The following CRPPA variants were observed in gnomAD, a reference collection of about 807,000 sequenced individuals.
CRPPA encodes CDP-L-ribitol pyrophosphorylase A, also known as D-ribitol-5-phosphate cytidylyltransferase.
A neutral mutation model predicts 52.0 loss-of-function variants in CRPPA; 43 were observed. The ratio of observed to expected loss-of-function variants is 0.83; its 90% CI spans 0.65 to 1.07. The LOEUF (loss-of-function observed/expected upper bound fraction) is 1.07, where lower values mean the gene tolerates loss of function less well. CRPPA is among the 50% of genes least tolerant of loss of function. The pLI is 0.00. For synonymous variants in CRPPA, 250 were observed against 203.5 expected (o/e 1.23, Z -1.94); for missense variants, 629 against 551.7 (o/e 1.14, Z -1.40).
At position 16,421,486 on chromosome 7, in the gene CRPPA, G is replaced by A. The variant is rs1788339048; in HGVS notation, c.-164C>T. 6.6e-6 allele frequency among the ~76,000 whole-genome samples: 1 copy of A among 152,174 alleles called. No homozygotes were observed. The highest frequency in any genetic ancestry group is 2.4e-5 in the African/African-American group (1 of 41,472). On this transcript the variant is annotated 5_prime_UTR_variant, in exon 1 of 10. Transcript: ENST00000407010. Reference sequence around the variant, plus strand: ...CAGCCGTCGGAGCCCCGCTGTTGCTGCCCCGCAGGGGACGATCCCGACAGC... The same window carrying A: ...CAGCCGTCGGAGCCCCGCTGTTGCTACCCCGCAGGGGACGATCCCGACAGC...
At chr7:16,315,708 G>C (rs1785130410) in intron 3 of CRPPA, among the ~76,000 whole-genome samples, 1 of 150,904 alleles carries the variant, frequency 6.6e-6, no homozygotes, top group South Asian at 2.1e-4. Context: ...GCTCCTGGAA[G>C]TAAAACTCAT....
At chr7:16,254,838 A>AAAGAAAGAAAGG (rs1562588834) in intron 8 of CRPPA, among the ~76,000 whole-genome samples, 1 of 150,390 alleles carries the variant, frequency 6.6e-6, no homozygotes, top group Admixed American at 6.7e-5. Context: ...AGAAAGAAAG[A>AAAGAAAGAAAGG]AAGAAAGAGA....
chr7:16,236,961 C>A (rs565954593), intron 8 of CRPPA, among the ~76,000 whole-genome samples: 142 of 151,878 alleles, frequency 9.3e-4, no homozygotes, highest in Non-Finnish European at 1.6e-3. Flanking sequence ...CACACACACA[C>A]ACACACACAC....
intron 3 of CRPPA, among the ~76,000 whole-genome samples, chr7:16,338,975 C>T (rs1018116174): frequency 8.6e-5 from 13 of 152,030 alleles, no homozygotes; most frequent in East Asian, 5.8e-4. Flanking sequence ...GTCACCACGC[C>T]GGCTAATTTT....
At chr7:16,263,836 A>G (rs1490792265) in intron 6 of CRPPA, among the ~76,000 whole-genome samples, 1 of 152,184 alleles carries the variant, frequency 6.6e-6, no homozygotes, top group Non-Finnish European at 1.5e-5. Context: ...ATTGTAATTA[A>G]AATATATTTG....
intron 6 of CRPPA, among the ~76,000 whole-genome samples, chr7:16,273,488 A>G (rs1011758112): frequency 2.6e-5 from 4 of 151,974 alleles, no homozygotes; most frequent in Non-Finnish European, 5.9e-5. Context: ...GTAGGACCAC[A>G]GAGAAGAGGT....
intron 9 of CRPPA, among the ~76,000 whole-genome samples, chr7:16,185,500 C>T (rs748791392): frequency 3.0e-4 from 46 of 152,116 alleles, no homozygotes; most frequent in Admixed American, 4.6e-4. Context: ...GGCATAACAA[C>T]GGTGGTGGCA....
At chr7:16,095,238 T>C (rs901314832) in intron 9 of CRPPA, among the ~76,000 whole-genome samples, 2 of 152,222 alleles carry the variant, frequency 1.3e-5, no homozygotes, top group African/African-American at 2.4e-5. Flanking sequence ...CTGGACCATT[T>C]ATATATTCCT....
chr7:16,295,238 G>A (rs12155478), intron 5 of CRPPA, among the ~76,000 whole-genome samples: 100,080 of 151,882 alleles, frequency 0.66, 33,618 homozygotes, highest in East Asian at 0.75. Flanking sequence ...GAAATCTACC[G>A]GTATCACTTA....
chr7:16,347,578 G>A (rs1786045864), intron 3 of CRPPA, among the ~76,000 whole-genome samples: 1 of 152,066 alleles, frequency 6.6e-6, no homozygotes, highest in Non-Finnish European at 1.5e-5. Flanking sequence ...CAGAACAGGA[G>A]GCTCCAGATT....
At chr7:16,110,040 T>C (rs78881437) in intron 9 of CRPPA, among the ~76,000 whole-genome samples, 14,687 of 151,816 alleles carry the variant, frequency 0.097, 895 homozygotes, top group African/African-American at 0.17. Flanking sequence ...CTTATATATA[T>C]ATAGAAAGCT....
chr7:16,339,983 A>T (rs532201325), intron 3 of CRPPA, among the ~76,000 whole-genome samples: 15 of 152,148 alleles, frequency 9.9e-5, no homozygotes, highest in Non-Finnish European at 1.6e-4. Context: ...TTGGAAAAGG[A>T]ACAAAAACAA....
At chr7:16,290,791 G>A (rs1268364563) in intron 5 of CRPPA, among the ~76,000 whole-genome samples, 1 of 151,866 alleles carries the variant, frequency 6.6e-6, no homozygotes, top group Non-Finnish European at 1.5e-5. Flanking sequence ...TAGAGAAATA[G>A]TACTTACTAA....
chr7:16,287,340 C>T (rs954366782), intron 5 of CRPPA, among the ~76,000 whole-genome samples: 1 of 151,968 alleles, frequency 6.6e-6, no homozygotes, highest in Non-Finnish European at 1.5e-5. Flanking sequence ...CCTTCTCTTC[C>T]ACAAGATCAC....
intron 9 of CRPPA, among the ~76,000 whole-genome samples, chr7:16,194,127 G>C (rs1781675384): frequency 6.6e-6 from 1 of 152,080 alleles, no homozygotes; most frequent in South Asian, 2.1e-4. Flanking sequence ...GAGACAAAGA[G>C]GCTTTTAAAT....
chr7:16,307,492 G>A, intron 4 of CRPPA, among the ~76,000 whole-genome samples: 1 of 151,768 alleles, frequency 6.6e-6, no homozygotes, highest in Admixed American at 6.6e-5. Flanking sequence ...GACTAGGCTG[G>A]CCAACATGGT....
chr7:16,310,400 C>T (rs547061001), intron 3 of CRPPA, among the ~76,000 whole-genome samples: 2 of 152,148 alleles, frequency 1.3e-5, no homozygotes, highest in East Asian at 1.9e-4. Flanking sequence ...CAAGTCTAAC[C>T]AGTCCCCAGC....
intron 9 of CRPPA, among the ~76,000 whole-genome samples, chr7:16,179,900 G>A (rs942177333): frequency 6.6e-6 from 1 of 152,084 alleles, no homozygotes; most frequent in Non-Finnish European, 1.5e-5. Context: ...GCAATAGCAG[G>A]AGCATCCATT....
At chr7:16,349,650 A>T (rs1786097168) in intron 3 of CRPPA, among the ~76,000 whole-genome samples, 1 of 152,132 alleles carries the variant, frequency 6.6e-6, no homozygotes, top group Admixed American at 6.6e-5. Context: ...TCAGCAGCAG[A>T]CTAGATCGAG....
Sources: gnomAD v4.1 joint callset for allele counts (sites outside exome capture counted in the v4.1 genomes callset) on GRCh38, gnomAD v4.1.1 for gene constraint, MANE v1.5 for transcripts, NCBI Gene and HGNC (gene_info 2026-07-23, HGNC 2026-07-21) for gene names.